The following GPATCH8 variants were observed in gnomAD, a reference collection of about 807,000 sequenced individuals.
GPATCH8 encodes the protein G patch domain-containing protein 8.
In GPATCH8, 18 loss-of-function variants were observed where a neutral mutation model predicts 118.3. That is an observed-to-expected ratio of 0.15 (90% CI 0.11 to 0.23). The LOEUF is 0.23. Among genes scored for constraint, GPATCH8 ranks in the 10% least tolerant of loss-of-function variants. The pLI, the probability that GPATCH8 is intolerant of heterozygous loss-of-function variation, is 1.00. For missense variants in GPATCH8, 1,631 were observed against 1,873.8 expected, an observed-to-expected ratio of 0.87 and a Z score of 2.39; for synonymous variants, 659 against 684.7, an observed-to-expected ratio of 0.96 and a Z score of 0.59.
At chr17:44,472,474 C>A (rs536271120) in intron 2 of GPATCH8, among the ~76,000 whole-genome samples, 2 of 152,244 alleles carry the variant, frequency 1.3e-5, no homozygotes, top group South Asian at 4.1e-4. Context: ...TGTTAAATAT[C>A]ATTTAATTTA....
At chr17:44,477,193 T>G (rs1237457869) in intron 1 of GPATCH8, among the ~76,000 whole-genome samples, 1 of 152,250 alleles carries the variant, frequency 6.6e-6, no homozygotes, top group South Asian at 2.1e-4. Flanking sequence ...CCAAATTGTA[T>G]AGTAAGTATT....
Position 44,399,013 on chromosome 17 carries a change from G to A in GPATCH8, c.3064C>T (p.Arg1022Cys), listed in dbSNP as rs753448605. 1.9e-6 allele frequency: 3 copies of A among 1,613,714 alleles called. No individual in the cohort carries two copies. The highest frequency in any genetic ancestry group is 1.7e-5 in the Admixed American group (1 of 59,996). ...ATCTTAGAACGAATGAAGTCCCGAC[G>A]CCCAGAATGCCTCTCCTCAGGGCTC... ...HESPEERHSG[R>C]RDFIRSKIYR... Residue 1022 changes from arginine (R) to cysteine (C), a missense_variant, in exon 8 of 8, where the codon CGT becomes TGT. By Grantham distance (180) the Arg-to-Cys change is radical. Coordinates refer to ENST00000591680, the MANE Select transcript of GPATCH8 (RefSeq NM_001002909.4).
At position 44,488,606 on chromosome 17, in the gene GPATCH8, G is replaced by A. The variant is rs1968981715; in HGVS notation, c.46-13703C>T. Reference sequence around the variant, plus strand: ...GACTGGTCTCGAACTCCTGACCTCAGGTGATCTGCCTGCCTCGGCCTCCCA... The same window carrying A: ...GACTGGTCTCGAACTCCTGACCTCAAGTGATCTGCCTGCCTCGGCCTCCCA... On this transcript the variant is annotated intron_variant, in intron 1 of 7. Coordinates refer to ENST00000591680, the MANE Select transcript of GPATCH8 (RefSeq NM_001002909.4). Among the ~76,000 whole-genome samples the A allele has an allele frequency of 8.9e-5, 13 of 146,230 alleles. No individual in the cohort carries two copies. In the Admixed American group the frequency reaches 8.9e-4, roughly 10 times the overall value.
At chr17:44,490,411 T>C (rs965804212) in intron 1 of GPATCH8, among the ~76,000 whole-genome samples, 1 of 152,118 alleles carries the variant, frequency 6.6e-6, no homozygotes, top group Non-Finnish European at 1.5e-5. Context: ...AATTCATAGG[T>C]CCTATATTAC....
intron 6 of GPATCH8, among the ~76,000 whole-genome samples, chr17:44,423,784 A>G (rs2049997091): frequency 6.6e-6 from 1 of 152,184 alleles, no homozygotes. Context: ...GGGGGCAAAG[A>G]CTGCAAAGTG....
At chr17:44,418,357 TAAG>T (rs1395105488) in intron 6 of GPATCH8, among the ~76,000 whole-genome samples, 1 of 152,160 alleles carries the variant, frequency 6.6e-6, no homozygotes, top group African/African-American at 2.4e-5. Flanking sequence ...GCAAAATAAT[TAAG>T]GAGGCAAGGA....
intron 2 of GPATCH8, chr17:44,467,034 AGATG>A: frequency 1.5e-6 from 1 of 665,740 alleles, no homozygotes; most frequent in South Asian, 1.5e-5. Flanking sequence ...ATAAACAGAC[AGATG>A]AAGCAGTATG....
chr17:44,455,243 T>A (rs1294647609), intron 3 of GPATCH8, among the ~76,000 whole-genome samples: 1 of 152,216 alleles, frequency 6.6e-6, no homozygotes, highest in Non-Finnish European at 1.5e-5. Context: ...GGCTCACGCC[T>A]GTAATCCCAG....
rs752586327 is a variant in GPATCH8 at position 44,400,737 on chromosome 17, T to C, written c.1340A>G (p.Lys447Arg). 2.5e-6 allele frequency: 4 copies of C among 1,613,020 alleles called. No homozygotes were observed. Among genetic ancestry groups the C allele is most frequent in the East Asian group, 4.5e-5 (2 of 44,862 alleles). ...TTCTGCTCCTTGGCTTGCTGCCGCC[T>C]TGATGCAGCTTTTAGGCTTGGGAGA... ...GSSPKPKSCI[K>R]AAASQGAEKT... Residue 447 changes from lysine to arginine, a missense_variant, in exon 8 of 8, where the codon AAG becomes AGG. Physicochemically the swap from Lys to Arg is conservative, Grantham distance 26. This residue lies in a region of GPATCH8 where 405 missense variants were observed against 462.7 expected (regional missense o/e 0.88). Coordinates refer to ENST00000591680, the MANE Select transcript of GPATCH8 (RefSeq NM_001002909.4).
In GPATCH8 at chr17:44,396,147, TAA is replaced by T. The variant is rs750617614; in HGVS notation, c.*1419_*1420del. 2.3e-6 allele frequency: 1 copy of T among 432,962 alleles called. No homozygotes were observed. Among genetic ancestry groups the T allele is most frequent in the Non-Finnish European group, 4.6e-6 (1 of 215,802 alleles). The allele number at this position is 432,962 out of a possible 1,614,324, so 26.8% of individuals were successfully genotyped here. Reference sequence around the variant, plus strand: ...GTTTCTACCAACCCAAAAGGCACATTAAAAAAAAAATTGTCAGAGGGGGCTAA... The same window carrying T: ...GTTTCTACCAACCCAAAAGGCACATTAAAAAAAATTGTCAGAGGGGGCTAA... On this transcript the variant is annotated 3_prime_UTR_variant, in exon 8 of 8. Coordinates refer to ENST00000591680, the MANE Select transcript of GPATCH8 (RefSeq NM_001002909.4).
intron 6 of GPATCH8, among the ~76,000 whole-genome samples, chr17:44,417,299 A>G (rs188356093): frequency 2.4e-3 from 366 of 152,342 alleles, no homozygotes; most frequent in African/African-American, 8.7e-3. Context: ...AACAGTTTAG[A>G]CAAAGTTAAC....
chr17:44,468,360 A>G (rs1966973703), intron 2 of GPATCH8, among the ~76,000 whole-genome samples: 1 of 149,630 alleles, frequency 6.7e-6, no homozygotes, highest in African/African-American at 2.5e-5. Context: ...ATGAACATTA[A>G]ATTTCTTTGT....
In GPATCH8 at chr17:44,406,616, C is replaced by G. The variant is rs139652492; in HGVS notation, c.493-565G>C. Among the ~76,000 whole-genome samples, 630 of 150,944 alleles carry G rather than the reference C, an allele frequency of 4.2e-3. 3 individuals are homozygous for G. The highest frequency in any genetic ancestry group is 0.014 in the African/African-American group (583 of 41,038). On this transcript the variant is annotated intron_variant, in intron 6 of 7. Transcript: ENST00000591680. Reference sequence around the variant, plus strand: ...GTTTCCTATAACTATTAAATAAACCCAAGACAGGTCTTCCAGCGCTAGCAT... The same window carrying G: ...GTTTCCTATAACTATTAAATAAACCGAAGACAGGTCTTCCAGCGCTAGCAT...
chr17:44,398,030 C>G lies in GPATCH8; in HGVS notation c.4047G>C (p.Leu1349=), dbSNP rs772334188. The G allele has an allele frequency of 2.5e-6, 4 of 1,613,940 alleles. No individual in the cohort carries two copies. Among genetic ancestry groups the G allele is most frequent in the Non-Finnish European group, 3.4e-6 (4 of 1,179,888 alleles). ...GTTGCAGGGCTGGTGTGGCTGGGGC[C>G]AGGGCAGCTGAGGCTGGAAAGGCCT... ...QVKAFPASAA[L]APATPALQPI... Residue 1349 remains leucine, a synonymous_variant, in exon 8 of 8, where the codon CTG becomes CTC. Coordinates refer to ENST00000591680, the MANE Select transcript of GPATCH8 (RefSeq NM_001002909.4).
chr17:44,420,397 AG>A (rs1473793959), intron 6 of GPATCH8, among the ~76,000 whole-genome samples: 1 of 152,250 alleles, frequency 6.6e-6, no homozygotes, highest in African/African-American at 2.4e-5. Context: ...CTGATAGAAT[AG>A]GGTTTTCAAC....
chr17:44,434,147 TTAA>T (rs1392608890), intron 5 of GPATCH8, among the ~76,000 whole-genome samples: 1 of 150,386 alleles, frequency 6.6e-6, no homozygotes, highest in Admixed American at 6.7e-5. Flanking sequence ...AATAATAATA[TTAA>T]TAATAATAAT....
intron 7 of GPATCH8, among the ~76,000 whole-genome samples, chr17:44,405,388 A>G (rs1290554877): frequency 1.3e-5 from 2 of 150,614 alleles, no homozygotes; most frequent in African/African-American, 2.5e-5. Flanking sequence ...TTGTATTTTT[A>G]GTATAGACGG....
rs746785395 is a variant in GPATCH8, at chr17:44,400,146, T to C, written c.1931A>G (p.Lys644Arg). 6.2e-7 allele frequency: 1 copy of C among 1,614,096 alleles called. No homozygotes were observed. Among genetic ancestry groups the C allele is most frequent in the Non-Finnish European group, 8.5e-7 (1 of 1,180,024 alleles). The stretch of plus-strand genomic sequence containing the variant: ...CCCATGGCTACCCCCAGGCTCCTGC[T>C]TGTTCAGGCCGCTACAGGCAGACCC... Reference protein sequence around the residue: ...ASGSACSGLNKQEPGGSHGSE... With the variant: ...ASGSACSGLNRQEPGGSHGSE... The change falls in exon 8 of 8, where the codon AAG (lysine) becomes AGG (arginine). Residue 644 changes from lysine to arginine, a missense_variant. Lys to Arg is a conservative substitution (Grantham distance 26). Transcript: ENST00000591680.
At chr17:44,465,898 G>A (rs1272563945) in intron 2 of GPATCH8, 1 of 152,184 alleles carries the variant, frequency 6.6e-6, no homozygotes, top group African/African-American at 2.4e-5. Flanking sequence ...AGAAGATTAA[G>A]CCTCCCGAAT....
Sources: allele counts gnomAD v4.1 joint callset (sites outside exome capture counted in the v4.1 genomes callset), GRCh38; gene constraint gnomAD v4.1.1; regional missense constraint gnomAD v4.1.1; transcripts MANE v1.5; gene names NCBI Gene and HGNC (gene_info 2026-07-23, HGNC 2026-07-21).